SULT1C2: variants seen among roughly 807,000 people sequenced by gnomAD.
SULT1C2 encodes the protein sulfotransferase 1C2.
SULT1C2 carries 27 observed loss-of-function variants against 36.0 expected under a neutral mutation model. The observed-to-expected ratio is 0.75, with a 90% CI of 0.55 to 1.03. The LOEUF is 1.03. Among genes scored for constraint, SULT1C2 ranks in the 50% least tolerant of loss-of-function variants. The pLI is 0.00. For missense variants in SULT1C2, 395 were observed against 359.2 expected, an observed-to-expected ratio of 1.10 and a Z score of -0.80; for synonymous variants, 121 against 116.0, an observed-to-expected ratio of 1.04 and a Z score of -0.27.
chr2:108,305,924 G>C (rs1677014060), intron 7 of SULT1C2, among the ~76,000 whole-genome samples: 1 of 152,202 alleles, frequency 6.6e-6, no homozygotes, highest in Non-Finnish European at 1.5e-5. Flanking sequence ...CCTCCCAGGG[G>C]CCGCTGGATC....
At chr2:108,294,077 T>C (rs1676662831) in intron 2 of SULT1C2, 152 bp from the exon 3 acceptor site, 2 of 1,431,340 alleles carry the variant, frequency 1.4e-6, no homozygotes, top group South Asian at 2.8e-5. Flanking sequence ...CCATCCCTCA[T>C]GGACTTCTAT....
intron 7 of SULT1C2, among the ~76,000 whole-genome samples, chr2:108,306,662 C>T (rs1454252417): frequency 3.3e-5 from 5 of 151,882 alleles, no homozygotes; most frequent in Non-Finnish European, 7.4e-5. Context: ...AATCCCAGCA[C>T]TTTGGGAGGC....
chr2:108,301,082 C>A, intron 4 of SULT1C2, 147 bp downstream of exon 4: 1 of 1,016,610 alleles, frequency 9.8e-7, no homozygotes, highest in Non-Finnish European at 1.4e-6. Context: ...TAAAGTTCTA[C>A]ATTCAGCAGG....
At chr2:108,304,240 C>T (rs919040493) in intron 4 of SULT1C2, 5 of 185,754 alleles carry the variant, frequency 2.7e-5, no homozygotes, top group East Asian at 2.8e-4. Flanking sequence ...CATCAGTTTA[C>T]GTTGATACTG....
At chr2:108,294,652 A>G (rs562778468) in intron 3 of SULT1C2, among the ~76,000 whole-genome samples, 1 of 152,142 alleles carries the variant, frequency 6.6e-6, no homozygotes, top group Non-Finnish European at 1.5e-5. Flanking sequence ...ATCATGTGCA[A>G]CTGTAGATCA....
At chr2:108,300,463 G>T in intron 3 of SULT1C2, 1 of 320,138 alleles carries the variant, frequency 3.1e-6, no homozygotes, top group Non-Finnish European at 5.7e-6. Context: ...TTGCAAACAG[G>T]CCGGGTACAT....
At chr2:108,302,447 T>G (rs1676907104) in intron 4 of SULT1C2, 1 of 152,204 alleles carries the variant, frequency 6.6e-6, no homozygotes, top group Non-Finnish European at 1.5e-5. Flanking sequence ...CTCCTTGCAT[T>G]GTCCAAGAAA....
chr2:108,294,561 T>A (rs1676677393), intron 3 of SULT1C2, among the ~76,000 whole-genome samples: 1 of 152,150 alleles, frequency 6.6e-6, no homozygotes, highest in African/African-American at 2.4e-5. Context: ...TAAGATTTTT[T>A]ACCAAAAGTG....
Position 108,293,818 on chromosome 2 carries a change from G to A in SULT1C2, c.151G>A (p.Gly51Arg), listed in dbSNP as rs1218984959. ...DLLICTYPKA[G>R]TTWIQEIVDM... ...CCTCATCTGCACCTACCCTAAAGCA[G>A]GTGATTGCAGGGTAGGAGGGACAGC... The change falls in exon 2 of 8, where the codon GGG (glycine) becomes AGG (arginine). Residue 51 changes from glycine (G) to arginine (R), a missense_variant and splice_region_variant. By Grantham distance (125) the Gly-to-Arg change is moderately radical (BLOSUM62 -2). Transcript: ENST00000251481. 1.1e-5 allele frequency: 17 copies of A among 1,613,556 alleles called. No homozygotes were observed. The highest frequency in any genetic ancestry group is 1.4e-5 in the Non-Finnish European group (17 of 1,179,820).
At chr2:108,291,868 A>G (rs1676601620) in intron 1 of SULT1C2, among the ~76,000 whole-genome samples, 1 of 152,248 alleles carries the variant, frequency 6.6e-6, no homozygotes, top group African/African-American at 2.4e-5. Context: ...CCATTATCTC[A>G]GGAGTACTGT....
intron 7 of SULT1C2, 64 bp from the exon 8 acceptor site, chr2:108,308,288 T>C: frequency 6.7e-7 from 1 of 1,483,958 alleles, no homozygotes; most frequent in Non-Finnish European, 9.2e-7. Flanking sequence ...ACTACACCAC[T>C]TTACTCAGGG....
chr2:108,305,353 G>A (rs976229620), intron 6 of SULT1C2, 62 bp from the exon 7 acceptor site: 1 of 1,608,980 alleles, frequency 6.2e-7, no homozygotes, highest in Admixed American at 1.7e-5. Context: ...ACATCCCAGA[G>A]AATTGTAGTA....
At chr2:108,298,383 C>CT (rs1238996191) in intron 3 of SULT1C2, among the ~76,000 whole-genome samples, 4 of 151,730 alleles carry the variant, frequency 2.6e-5, no homozygotes, top group Non-Finnish European at 4.4e-5. Context: ...TTCCTTTGCA[C>CT]TTTTTTTTGA....
At chr2:108,305,349 C>T in intron 6 of SULT1C2, 66 bp from the exon 7 acceptor site, 1 of 1,609,168 alleles carries the variant, frequency 6.2e-7, no homozygotes, top group South Asian at 1.1e-5. Flanking sequence ...AAGGACATCC[C>T]AGAGAATTGT....
At chr2:108,303,864 T>C (rs571068026) in intron 4 of SULT1C2, 1 of 152,162 alleles carries the variant, frequency 6.6e-6, no homozygotes, top group Non-Finnish European at 1.5e-5. Flanking sequence ...AATCATCCCA[T>C]CATCCCCAAT....
In SULT1C2 at chr2:108,293,970, C is replaced by T. The variant is rs796537091; in HGVS notation, c.151+152C>T. ...GGGCTCACACAGGATGCCTGATATCCGAGTTTTCCAGGAAAGCTGCTATGC... is the reference window on the plus strand; with the variant it reads ...GGGCTCACACAGGATGCCTGATATCTGAGTTTTCCAGGAAAGCTGCTATGC... On this transcript the variant is annotated intron_variant, in intron 2 of 7. Transcript: ENST00000251481. The T allele has an allele frequency of 3.3e-5, 44 of 1,330,116 alleles. No homozygotes were observed. In the African/African-American group the frequency reaches 4.6e-4, roughly 14 times the overall value. The allele number at this position is 1,330,116 out of a possible 1,614,324, so 82.4% of individuals were successfully genotyped here.
chr2:108,293,506 T>C (rs1296154004), intron 1 of SULT1C2, 141 bp from the exon 2 acceptor site: 3 of 711,372 alleles, frequency 4.2e-6, no homozygotes, highest in Middle Eastern at 4.3e-4. Context: ...CTAGAAAAGA[T>C]GGTTATAATG....
rs750959639 is a variant in SULT1C2, at chr2:108,308,505, C to T, written c.*41C>T. 1 of 1,508,866 alleles carries T rather than the reference C, an allele frequency of 6.6e-7. No individual in the cohort carries two copies. The allele number at this position is 1,508,866 out of a possible 1,614,324, so 93.5% of individuals were successfully genotyped here. A position where few individuals can be genotyped will look rare whatever the true frequency, so the allele number is the denominator to read the frequency against. On this transcript the variant is annotated 3_prime_UTR_variant, in exon 8 of 8. Transcript: ENST00000251481. ...AATTAAAAGGTGGATGGCAAGAGTG[C>T]AAATACTATCTTCAATCCTTCAGTC...
At chr2:108,301,087 A>G (rs752224398) in intron 4 of SULT1C2, 152 bp downstream of exon 4, 17 of 962,012 alleles carry the variant, frequency 1.8e-5, no homozygotes, top group Non-Finnish European at 2.6e-5. Context: ...TTCTACATTC[A>G]GCAGGACATT....
Sources: gnomAD v4.1 joint callset for allele counts (sites outside exome capture counted in the v4.1 genomes callset) on GRCh38, gnomAD v4.1.1 for gene constraint, MANE v1.5 for transcripts, NCBI Gene and HGNC (gene_info 2026-07-23, HGNC 2026-07-21) for gene names.